Variants in CIZ1 observed in about 807,000 individuals in gnomAD.
CIZ1 encodes CDKN1A interacting zinc finger protein 1.
Under a neutral mutation model 118.6 loss-of-function variants are expected in CIZ1, and 58 were observed. That is an observed-to-expected ratio of 0.49 (90% confidence interval 0.40 to 0.61). The LOEUF (loss-of-function observed/expected upper bound fraction) is 0.61, where lower values mean the gene tolerates loss of function less well. Ranked by LOEUF, CIZ1 falls within the 20% of genes least tolerant of loss-of-function variation. CIZ1 has a pLI of 0.00. For missense variants in CIZ1, 921 were observed against 1,115.9 expected (o/e 0.83, Z 2.49); for synonymous variants, 448 against 443.4 (o/e 1.01, Z -0.13).
At chr9:128,169,261 T>TG in intron 13 of CIZ1, 60 bp from the exon 14 acceptor site, 8 of 1,099,724 alleles carry the variant, frequency 7.3e-6, no homozygotes, top group East Asian at 4.1e-5. Context: ...GGCCATGCCC[T>TG]ACCCACCCCA....
intron 5 of CIZ1, among the ~76,000 whole-genome samples, chr9:128,185,233 G>T (rs953423766): frequency 6.6e-6 from 1 of 152,240 alleles, no homozygotes; most frequent in Admixed American, 6.5e-5. Flanking sequence ...AGCTGAGATC[G>T]CGCCATTGTA....
At chr9:128,167,194 C>T (rs773718838) in intron 14 of CIZ1, 30 bp from the exon 15 acceptor site, 19 of 1,522,490 alleles carry the variant, frequency 1.2e-5, no homozygotes, top group Non-Finnish European at 3.5e-6. Flanking sequence ...GGCCTCGGAT[C>T]TGGCTTCCCC....
intron 11 of CIZ1, among the ~76,000 whole-genome samples, chr9:128,174,841 A>T (rs1001838907): frequency 3.3e-5 from 5 of 152,094 alleles, no homozygotes; most frequent in African/African-American, 9.7e-5. Context: ...TATTTTTAGT[A>T]CAGAGGGGGT....
intron 5 of CIZ1, among the ~76,000 whole-genome samples, chr9:128,182,771 C>T (rs991438621): frequency 2.0e-5 from 3 of 151,934 alleles, no homozygotes; most frequent in Non-Finnish European, 4.4e-5. Context: ...ACTTCCTTTT[C>T]GTGGCATTTC....
At chr9:128,179,612 T>A (rs1281807189) in intron 7 of CIZ1, among the ~76,000 whole-genome samples, 197 bp from the exon 8 acceptor site, 1 of 152,126 alleles carries the variant, frequency 6.6e-6, no homozygotes, top group Non-Finnish European at 1.5e-5. Flanking sequence ...GGATTACAGG[T>A]GTGAGCCACC....
chr9:128,190,866 G>A lies in CIZ1; in HGVS notation c.-5-4C>T. ...TGCTGCTGGCTGAACATGGTGGCTAGGGGCAGAAAGCAGAGTGAGGCAAGG... is the reference window on the plus strand; with the variant it reads ...TGCTGCTGGCTGAACATGGTGGCTAAGGGCAGAAAGCAGAGTGAGGCAAGG... On this transcript the variant is annotated splice_region_variant and splice_polypyrimidine_tract_variant and intron_variant, in intron 1 of 16. Coordinates refer to ENST00000372938, the MANE Select transcript of CIZ1 (RefSeq NM_001131016.2). 1.3e-6 allele frequency: 2 copies of A among 1,537,408 alleles called. No individual in the cohort carries two copies. The highest frequency in any genetic ancestry group is 1.2e-5 in the South Asian group (1 of 82,114).
rs1365159149 is a variant in CIZ1 at position 128,166,925 on chromosome 9, G to C, written c.2366-45C>G. On this transcript the variant is annotated intron_variant, in intron 15 of 16. Transcript: ENST00000372938. This position sits in a 1 kb window ranked among gnomAD's most constrained non-coding sequence, Gnocchi z 4.4. ...GGTCTGCACTCACATCCCTGTACCA[G>C]CGAGGTGTCCCTCCCTCTCTAGGGG... The C allele has an allele frequency of 1.2e-5, 19 of 1,613,830 alleles. No individual in the cohort carries two copies. The highest frequency in any genetic ancestry group is 2.2e-5 in the South Asian group (2 of 91,060).
At chr9:128,180,650 A>G in intron 6 of CIZ1, 71 bp downstream of exon 6, 2 of 1,372,666 alleles carry the variant, frequency 1.5e-6, no homozygotes, top group East Asian at 2.3e-5. Flanking sequence ...TGCCTCTATC[A>G]CCTGCTGACC....
chr9:128,192,805 A>C (rs547841207), upstream of CIZ1, among the ~76,000 whole-genome samples: 152 of 152,358 alleles, frequency 1.0e-3, no homozygotes, highest in Non-Finnish European at 1.6e-3. Context: ...GGCCTCCCAA[A>C]GTGCTGGGAT....
chr9:128,179,097 C>T lies in CIZ1; in HGVS notation c.1110G>A (p.Glu370=). 1 of 1,613,974 alleles carries T rather than the reference C, an allele frequency of 6.2e-7. No homozygotes were observed. The highest frequency in any genetic ancestry group is 8.5e-7 in the Non-Finnish European group (1 of 1,179,872). The change falls in exon 8 of 17, where the codon GAG becomes GAA. Residue 370 remains glutamate, a synonymous_variant. Coordinates refer to ENST00000372938, the MANE Select transcript of CIZ1 (RefSeq NM_001131016.2). ...CCTGTGGCTGCACCTGCTTCTGTGG[C>T]TCTGCCTCCTGCTGCAGCTGTGGCT... ...QVQPQLQQEA[E]PQKQVQPQVQ...
At chr9:128,191,748 T>G, upstream of CIZ1, 6 of 1,394,964 alleles carry the variant, frequency 4.3e-6, no homozygotes, top group Non-Finnish European at 5.6e-6. This position sits in a 1 kb window ranked among gnomAD's most constrained non-coding sequence, Gnocchi z 5.5. Flanking sequence ...TCCCGCGTCC[T>G]CCGCATCGCG....
At chr9:128,185,233 G>A (rs953423766) in intron 5 of CIZ1, among the ~76,000 whole-genome samples, 4 of 152,240 alleles carry the variant, frequency 2.6e-5, no homozygotes, top group South Asian at 2.1e-4. Context: ...AGCTGAGATC[G>A]CGCCATTGTA....
At chr9:128,173,925 G>T (rs1392343679) in intron 11 of CIZ1, among the ~76,000 whole-genome samples, 1 of 151,848 alleles carries the variant, frequency 6.6e-6, no homozygotes, top group Non-Finnish European at 1.5e-5. Flanking sequence ...AGAATGGCGT[G>T]AACCCAGGAG....
At chr9:128,189,900 T>A (rs1298368369) in intron 3 of CIZ1, among the ~76,000 whole-genome samples, 1 of 147,882 alleles carries the variant, frequency 6.8e-6, no homozygotes, top group Non-Finnish European at 1.5e-5. Flanking sequence ...GCTCTCCATA[T>A]TGGGAAATTG....
intron 3 of CIZ1, among the ~76,000 whole-genome samples, chr9:128,189,000 T>C (rs1004450847): frequency 2.6e-5 from 4 of 152,168 alleles, no homozygotes; most frequent in African/African-American, 9.7e-5. Context: ...GGTTTCACCA[T>C]GTTGGCCAGG....
intron 1 of CIZ1, chr9:128,197,170 A>G (rs143338418): frequency 6.6e-6 from 1 of 152,378 alleles, no homozygotes; most frequent in Admixed American, 6.5e-5. Context: ...AACCCTGCAC[A>G]TCGCAGGTTT....
intron 1 of CIZ1, among the ~76,000 whole-genome samples, chr9:128,199,719 C>CA (rs933378580): frequency 1.4e-5 from 2 of 147,986 alleles, no homozygotes; most frequent in Non-Finnish European, 1.5e-5. Flanking sequence ...TAAAAACAAA[C>CA]AAAAAAACAA....
At position 128,178,936 on chromosome 9, in the gene CIZ1, T is replaced by A; in HGVS notation, c.1271A>T (p.Gln424Leu). The stretch of plus-strand genomic sequence containing the variant: ...ATATGTCTGTGTCTGGACCTGCTTC[T>A]GCAGCTGCAGCTGCACCTGCCTTGG... ...QPPRQVQLQLQKQVQTQTYPQ... is the reference protein window; with the variant it reads ...QPPRQVQLQLLKQVQTQTYPQ... Residue 424 changes from glutamine to leucine, a missense_variant, in exon 8 of 17, where the codon CAG becomes CTG. Physicochemically the swap from Gln to Leu is moderately radical, Grantham distance 113 (BLOSUM62 -2). Coordinates refer to ENST00000372938, the MANE Select transcript of CIZ1 (RefSeq NM_001131016.2). 6.2e-7 allele frequency: 1 copy of A among 1,614,260 alleles called. No individual in the cohort carries two copies. Among genetic ancestry groups the A allele is most frequent in the Non-Finnish European group, 8.5e-7 (1 of 1,180,046 alleles).
upstream of CIZ1, chr9:128,191,741 C>G: frequency 7.2e-7 from 1 of 1,393,068 alleles, no homozygotes; most frequent in Non-Finnish European, 9.3e-7. This position sits in a 1 kb window ranked among gnomAD's most constrained non-coding sequence, Gnocchi z 5.5. Context: ...CCCTCTGTCC[C>G]GCGTCCTCCG....
Sources: gnomAD v4.1 joint callset for allele counts (sites outside exome capture counted in the v4.1 genomes callset) on GRCh38, gnomAD v4.1.1 for gene constraint, Gnocchi (gnomAD v3.1) non-coding constraint, MANE v1.5 for transcripts, NCBI Gene and HGNC (gene_info 2026-07-23, HGNC 2026-07-21) for gene names.